Variants in FAM110B observed in about 807,000 individuals in gnomAD.
FAM110B encodes the protein protein FAM110B.
In FAM110B, 6 loss-of-function variants were observed where a neutral mutation model predicts 20.4. That is an observed-to-expected ratio of 0.29 (90% CI 0.16 to 0.58). The LOEUF (loss-of-function observed/expected upper bound fraction) is 0.58, where lower values mean the gene tolerates loss of function less well. Ranked by LOEUF, FAM110B falls within the 20% of genes least tolerant of loss-of-function variation. The pLI is 0.90. For missense variants in FAM110B, 434 were observed against 498.2 expected, an observed-to-expected ratio of 0.87 and a Z score of 1.23; for synonymous variants, 226 against 214.1, an observed-to-expected ratio of 1.06 and a Z score of -0.49.
chr8:58,080,788 A>G (rs574247958), intron 3 of FAM110B, among the ~76,000 whole-genome samples: 48 of 152,288 alleles, frequency 3.2e-4, no homozygotes, highest in African/African-American at 1.1e-3. Context: ...CCTCCTATTC[A>G]CCAGGGGAGC....
At chr8:58,112,868 G>A (rs1807097305) in intron 3 of FAM110B, among the ~76,000 whole-genome samples, 1 of 152,214 alleles carries the variant, frequency 6.6e-6, no homozygotes, top group African/African-American at 2.4e-5. Flanking sequence ...AAGGGCTGCT[G>A]TAACAAAATA....
At chr8:58,093,100 G>A (rs1806526121) in intron 3 of FAM110B, among the ~76,000 whole-genome samples, 1 of 151,848 alleles carries the variant, frequency 6.6e-6, no homozygotes, top group Admixed American at 6.6e-5. Flanking sequence ...GGTCGTTTGT[G>A]GGTTTTTTTT....
At chr8:58,079,609 T>G (rs756795506) in intron 3 of FAM110B, among the ~76,000 whole-genome samples, 59 of 152,182 alleles carry the variant, frequency 3.9e-4, no homozygotes, top group African/African-American at 9.9e-4. Context: ...AGACCCTGTC[T>G]CTACAAAAAA....
intron 3 of FAM110B, among the ~76,000 whole-genome samples, chr8:58,127,249 C>CACTG (rs1807531401): frequency 6.6e-6 from 1 of 152,182 alleles, no homozygotes; most frequent in Non-Finnish European, 1.5e-5. Context: ...TGTTGTGCTC[C>CACTG]ACTGATCTGT....
chr8:58,004,774 G>C (rs7000685), intron 1 of FAM110B, among the ~76,000 whole-genome samples: 75,248 of 152,048 alleles, frequency 0.49, 19,824 homozygotes, highest in African/African-American at 0.68. Flanking sequence ...ATGAACCAAC[G>C]TCTGCTAGCT....
intron 2 of FAM110B, among the ~76,000 whole-genome samples, chr8:58,047,591 C>CCTCTCTCTCTCTCTATCT (rs1805351950): frequency 1.3e-5 from 1 of 74,646 alleles, no homozygotes; most frequent in East Asian, 4.5e-4. Flanking sequence ...CTTCCTTTTT[C>CCTCTCTCTCTCTCTATCT]CTCTCTCTCT....
intron 3 of FAM110B, among the ~76,000 whole-genome samples, chr8:58,097,758 C>T (rs1806670258): frequency 6.6e-6 from 1 of 152,100 alleles, no homozygotes; most frequent in Non-Finnish European, 1.5e-5. Flanking sequence ...TTGATGTTGA[C>T]ACTGTTCTTT....
chr8:58,137,350 A>G (rs1803642697), intron 3 of FAM110B, among the ~76,000 whole-genome samples: 1 of 152,196 alleles, frequency 6.6e-6, no homozygotes, highest in African/African-American at 2.4e-5. Context: ...ACCTTAGGTC[A>G]GGAGTTTGAG....
intron 2 of FAM110B, among the ~76,000 whole-genome samples, chr8:58,064,083 A>C (rs920737064): frequency 2.6e-5 from 4 of 152,156 alleles, no homozygotes; most frequent in African/African-American, 9.7e-5. Flanking sequence ...ATTTTTAAAC[A>C]ACCAGATCTT....
At chr8:58,027,294 T>C (rs1200588794) in intron 1 of FAM110B, among the ~76,000 whole-genome samples, 1 of 152,176 alleles carries the variant, frequency 6.6e-6, no homozygotes, top group African/African-American at 2.4e-5. Flanking sequence ...TTTTGTGGTC[T>C]CCAGATACTT....
At chr8:58,113,816 A>G (rs1807126601) in intron 3 of FAM110B, among the ~76,000 whole-genome samples, 1 of 152,220 alleles carries the variant, frequency 6.6e-6, no homozygotes, top group Admixed American at 6.5e-5. Context: ...TTTTAATGTC[A>G]CTTCATAGGT....
chr8:58,009,246 G>A (rs913815457), intron 1 of FAM110B, among the ~76,000 whole-genome samples: 1 of 152,212 alleles, frequency 6.6e-6, no homozygotes, highest in Non-Finnish European at 1.5e-5. Flanking sequence ...TATCTCGGGT[G>A]TTGAAGGAGT....
intron 1 of FAM110B, among the ~76,000 whole-genome samples, chr8:58,013,035 C>T (rs1472168518): frequency 1.3e-5 from 2 of 152,118 alleles, no homozygotes; most frequent in African/African-American, 4.8e-5. Flanking sequence ...CCCGGGCTGT[C>T]ACTTCTGTCA....
At chr8:58,015,086 T>C (rs1804611178) in intron 1 of FAM110B, among the ~76,000 whole-genome samples, 1 of 152,246 alleles carries the variant, frequency 6.6e-6, no homozygotes, top group Non-Finnish European at 1.5e-5. Flanking sequence ...CCGGGTGCGA[T>C]GGCTCACGCC....
At chr8:58,089,409 G>A (rs1806418447) in intron 3 of FAM110B, among the ~76,000 whole-genome samples, 1 of 152,074 alleles carries the variant, frequency 6.6e-6, no homozygotes, top group South Asian at 2.1e-4. Context: ...GGGTGCCTTG[G>A]TTTTGTGGGT....
At chr8:58,139,806 T>C (rs1803700059) in intron 3 of FAM110B, among the ~76,000 whole-genome samples, 1 of 152,150 alleles carries the variant, frequency 6.6e-6, no homozygotes, top group Admixed American at 6.5e-5. Flanking sequence ...GGCAGCTGCC[T>C]GTAGTCCCAG....
rs747622051 is a variant in FAM110B, at chr8:58,146,854, C to T, written c.624C>T (p.Ser208=). Residue 208 remains serine, a synonymous_variant, in exon 4 of 4, where the codon AGC becomes AGT. Transcript: ENST00000519262. ...HSSSDIRKVT[S]VKPLKAIPCS... ...CTTCGGACATCCGCAAGGTGACCAG[C>T]GTGAAGCCCCTCAAGGCCATCCCCT... 6.2e-6 allele frequency: 10 copies of T among 1,613,456 alleles called. No homozygotes were observed. In the East Asian group the frequency reaches 1.8e-4, roughly 29 times the overall value.
At chr8:58,142,513 A>G (rs894422902) in intron 3 of FAM110B, among the ~76,000 whole-genome samples, 11 of 152,078 alleles carry the variant, frequency 7.2e-5, no homozygotes, top group Admixed American at 6.5e-4. Context: ...CTCCCTGCAC[A>G]AACCAGGACT....
chr8:58,037,075 A>G (rs1805088862), intron 2 of FAM110B, among the ~76,000 whole-genome samples: 1 of 152,210 alleles, frequency 6.6e-6, no homozygotes, highest in Admixed American at 6.5e-5. Context: ...GTTTGAAAAC[A>G]TCAAAGTATT....
Sources: gnomAD v4.1 joint callset for allele counts (sites outside exome capture counted in the v4.1 genomes callset) on GRCh38, gnomAD v4.1.1 for gene constraint, MANE v1.5 for transcripts, NCBI Gene and HGNC (gene_info 2026-07-23, HGNC 2026-07-21) for gene names.